HERC1: variants seen among roughly 807,000 people sequenced by gnomAD.
The protein encoded by HERC1 is HECT and RLD domain containing E3 ubiquitin protein ligase family member 1.
A neutral mutation model predicts 554.3 loss-of-function variants in HERC1; 160 were observed. The ratio of observed to expected loss-of-function variants is 0.29; its 90% confidence interval spans 0.25 to 0.33. The LOEUF is 0.33. Ranked by LOEUF, HERC1 falls within the 10% of genes least tolerant of loss-of-function variation. The probability of loss-of-function intolerance (pLI) is 1.00; values close to 1 mark genes in which losing one functional copy is unlikely to be tolerated. For missense variants in HERC1, 4,919 were observed against 5,918.5 expected, an observed-to-expected ratio of 0.83 and a Z score of 5.54; for synonymous variants, 2,175 against 2,131.7, an observed-to-expected ratio of 1.02 and a Z score of -0.56.
Position 63,623,744 on chromosome 15 carries a change from G to T in HERC1, c.13592C>A (p.Thr4531Asn). The T allele has an allele frequency of 6.2e-7, 1 of 1,613,816 alleles. No homozygotes were observed. ...ADDAGGVFDDTITEMCQELET... is the reference protein window; with the variant it reads ...ADDAGGVFDDNITEMCQELET... ...ATATACCTGGCACATCTCTGTGATG[G>T]TGTCATCAAACACTCCTCCAGCATC... is the stretch of plus-strand genomic sequence containing the variant. Residue 4531 changes from threonine (T) to asparagine (N), a missense_variant, in exon 73 of 78, where the codon ACC (threonine) becomes AAC (asparagine). Coordinates refer to ENST00000443617, the MANE Select transcript of HERC1 (RefSeq NM_003922.4).
chr15:63,723,090 T>A (rs781295617), intron 19 of HERC1, 92 bp downstream of exon 19: 12 of 711,884 alleles, frequency 1.7e-5, no homozygotes, highest in Non-Finnish European at 2.4e-5. Context: ...AAAAGGGTGA[T>A]CCCTATAATT....
chr15:63,693,454 G>A (rs934819113), intron 30 of HERC1, among the ~76,000 whole-genome samples: 6 of 152,110 alleles, frequency 3.9e-5, no homozygotes, highest in Middle Eastern at 3.4e-3. Context: ...ATGTTGCCCA[G>A]GCTGATCTTG....
chr15:63,704,636 T>C (rs893996766), intron 25 of HERC1, among the ~76,000 whole-genome samples: 2 of 151,850 alleles, frequency 1.3e-5, no homozygotes, highest in Admixed American at 6.6e-5. Context: ...TAAGTCAAAA[T>C]GAACTACCAA....
At chr15:63,814,720 C>A (rs562285347) in intron 1 of HERC1, among the ~76,000 whole-genome samples, 1 of 152,120 alleles carries the variant, frequency 6.6e-6, no homozygotes, top group African/African-American at 2.4e-5. Flanking sequence ...CTGCCCGCCT[C>A]GGCCTCCCAA....
At chr15:63,828,802 A>C (rs961222058) in intron 1 of HERC1, among the ~76,000 whole-genome samples, 1 of 152,246 alleles carries the variant, frequency 6.6e-6, no homozygotes, top group Non-Finnish European at 1.5e-5. Context: ...GGGATGAATA[A>C]GATTAAACTA....
chr15:63,813,456 T>A (rs551712041), intron 1 of HERC1, among the ~76,000 whole-genome samples: 1 of 151,962 alleles, frequency 6.6e-6, no homozygotes, highest in Admixed American at 6.6e-5. Context: ...TATCTTTTAA[T>A]CTAGGATAGT....
Position 63,734,704 on chromosome 15 carries a change from C to T in HERC1, c.2646+20G>A, listed in dbSNP as rs1271072048. 9.9e-6 allele frequency: 15 copies of T among 1,518,340 alleles called. No individual in the cohort carries two copies. Among genetic ancestry groups the T allele is most frequent in the Non-Finnish European group, 1.1e-5 (13 of 1,141,794 alleles). 94.1% of individuals were successfully genotyped at this position (1,518,340 alleles called of 1,614,324 possible). A position where few individuals can be genotyped will look rare whatever the true frequency, so the allele number is the denominator to read the frequency against. On this transcript the variant is annotated intron_variant, in intron 13 of 77. Transcript: ENST00000443617. This position sits in a 1 kb window ranked among gnomAD's most constrained non-coding sequence, Gnocchi z 4.6. ...TTTTAGGATACTACTGGTTTACTTACACAGCAAGCAAAGGCCTACCTGTCC... is the reference window on the plus strand; with the variant it reads ...TTTTAGGATACTACTGGTTTACTTATACAGCAAGCAAAGGCCTACCTGTCC...
At position 63,610,057 on chromosome 15, in the gene HERC1, A is replaced by G. The variant is rs183962458; in HGVS notation, c.14401-791T>C. On this transcript the variant is annotated intron_variant, in intron 77 of 77. Coordinates refer to ENST00000443617, the MANE Select transcript of HERC1 (RefSeq NM_003922.4). ...ACGTTCCCTATCCCTCCTTGCAAAC[A>G]TAACTATTTTCTAAACAATTTGTAA... 1.1e-3 allele frequency among the ~76,000 whole-genome samples: 167 copies of G among 152,240 alleles called. 1 individual carries two copies. Among genetic ancestry groups the G allele is most frequent in the African/African-American group, 3.9e-3 (164 of 41,530 alleles).
chr15:63,741,467 T>C (rs1478601154), intron 12 of HERC1, among the ~76,000 whole-genome samples: 1 of 151,942 alleles, frequency 6.6e-6, no homozygotes, highest in Non-Finnish European at 1.5e-5. Flanking sequence ...CACACGCCAC[T>C]ACACCCGGCT....
chr15:63,680,225 A>AG lies in HERC1; in HGVS notation c.6466-66_6466-65insC. 8.2e-7 allele frequency: 1 copy of AG among 1,212,972 alleles called. No homozygotes were observed. The highest frequency in any genetic ancestry group is 1.9e-5 in the Admixed American group (1 of 52,468). 75.1% of individuals were successfully genotyped at this position (1,212,972 alleles called of 1,614,324 possible). On this transcript the variant is annotated intron_variant, in intron 35 of 77. Coordinates refer to ENST00000443617, the MANE Select transcript of HERC1 (RefSeq NM_003922.4). This position sits in a 1 kb window ranked among gnomAD's most constrained non-coding sequence, Gnocchi z 5.8. ...GAAATTTTTTTAATTCACAATATCT[A>AG]ACCACATTAGAATTGAAAGCTTTTA...
intron 1 of HERC1, among the ~76,000 whole-genome samples, chr15:63,831,901 T>C (rs1294389393): frequency 1.3e-5 from 2 of 152,180 alleles, no homozygotes; most frequent in Non-Finnish European, 2.9e-5. Flanking sequence ...GCATTGGAAA[T>C]GGAATACATG....
At chr15:63,818,489 G>A (rs2077573359) in intron 1 of HERC1, among the ~76,000 whole-genome samples, 1 of 152,140 alleles carries the variant, frequency 6.6e-6, no homozygotes. Flanking sequence ...AGAACTGAAA[G>A]ACATCTTAAA....
chr15:63,679,689 G>T (rs1024521109), intron 36 of HERC1, among the ~76,000 whole-genome samples: 1 of 152,210 alleles, frequency 6.6e-6, no homozygotes, highest in Non-Finnish European at 1.5e-5. Context: ...TCCCCCAGCT[G>T]AATGAAAGGT....
At chr15:63,728,953 AAG>A (rs1244243733) in intron 16 of HERC1, among the ~76,000 whole-genome samples, 88 of 140,796 alleles carry the variant, frequency 6.3e-4, no homozygotes, top group African/African-American at 2.2e-3. Flanking sequence ...AAAAAAAAAA[AAG>A]AGCAGATTAA....
intron 22 of HERC1, among the ~76,000 whole-genome samples, chr15:63,714,515 A>G (rs1466371967): frequency 6.6e-6 from 1 of 150,990 alleles, no homozygotes; most frequent in Non-Finnish European, 1.5e-5. Context: ...TTTGGAGCGA[A>G]GACAGTATTC....
intron 1 of HERC1, among the ~76,000 whole-genome samples, chr15:63,810,849 T>C (rs1021147128): frequency 6.6e-6 from 1 of 152,162 alleles, no homozygotes; most frequent in Non-Finnish European, 1.5e-5. Flanking sequence ...AGAAGGAAAA[T>C]GGCACTGAGT....
intron 17 of HERC1, among the ~76,000 whole-genome samples, chr15:63,725,845 T>C (rs1418439020): frequency 4.6e-5 from 7 of 152,228 alleles, no homozygotes; most frequent in African/African-American, 1.7e-4. Flanking sequence ...GGGAGTATTC[T>C]GAGTTTATTC....
rs1235841415 is a variant in HERC1 at position 63,727,344 on chromosome 15, G to A, written c.3346+303C>T. ...TAAAGCCTAATCAACATCCTGATAT[G>A]GTTGTAAATTTGACACTTGGACTAA... is the stretch of plus-strand genomic sequence containing the variant. On this transcript the variant is annotated intron_variant, in intron 17 of 77. Transcript: ENST00000443617. This position sits in a 1 kb window ranked among gnomAD's most constrained non-coding sequence, Gnocchi z 4.3. 6.6e-6 allele frequency among the ~76,000 whole-genome samples: 1 copy of A among 152,110 alleles called. No homozygotes were observed. Among genetic ancestry groups the A allele is most frequent in the Non-Finnish European group, 1.5e-5 (1 of 68,016 alleles).
At chr15:63,795,808 C>T (rs761445702) in intron 1 of HERC1, among the ~76,000 whole-genome samples, 3 of 152,162 alleles carry the variant, frequency 2.0e-5, no homozygotes, top group Non-Finnish European at 4.4e-5. Flanking sequence ...GGAACGGGAC[C>T]TGACATTCTG....
Sources: allele counts gnomAD v4.1 joint callset (sites outside exome capture counted in the v4.1 genomes callset), GRCh38; gene constraint gnomAD v4.1.1; non-coding constraint Gnocchi (gnomAD v3.1); transcripts MANE v1.5; gene names NCBI Gene and HGNC (gene_info 2026-07-23, HGNC 2026-07-21).